The following MYO1D variants were observed in gnomAD, a reference collection of about 807,000 sequenced individuals.
The protein encoded by MYO1D is myosin ID.
A neutral mutation model predicts 122.0 loss-of-function variants in MYO1D; 83 were observed. That is an observed-to-expected ratio of 0.68 (90% confidence interval 0.57 to 0.82). The LOEUF is 0.82. MYO1D is among the 40% of genes least tolerant of loss of function. MYO1D has a pLI of 0.00. For missense variants in MYO1D, 1,157 were observed against 1,269.5 expected, an observed-to-expected ratio of 0.91 and a Z score of 1.35; for synonymous variants, 464 against 446.9, an observed-to-expected ratio of 1.04 and a Z score of -0.48.
At chr17:32,625,320 G>A (rs946995590) in intron 20 of MYO1D, among the ~76,000 whole-genome samples, 2 of 152,126 alleles carry the variant, frequency 1.3e-5, no homozygotes, top group Non-Finnish European at 2.9e-5. Context: ...AATTAAGTTA[G>A]GTAGAAAGAT....
At chr17:32,616,711 C>T (rs925900166) in intron 20 of MYO1D, among the ~76,000 whole-genome samples, 2 of 152,090 alleles carry the variant, frequency 1.3e-5, no homozygotes, top group African/African-American at 4.8e-5. Context: ...AAATTTTTGC[C>T]ACTCCTCCCA....
chr17:32,672,542 G>A (rs191782438), intron 16 of MYO1D, among the ~76,000 whole-genome samples: 1 of 152,140 alleles, frequency 6.6e-6, no homozygotes, highest in Admixed American at 6.5e-5. Context: ...CTAGAGTGCA[G>A]TGGTGTGATC....
chr17:32,679,822 T>C (rs1009845040), intron 16 of MYO1D, among the ~76,000 whole-genome samples: 2 of 151,092 alleles, frequency 1.3e-5, no homozygotes, highest in African/African-American at 4.9e-5. Flanking sequence ...TTGATGGGGA[T>C]GGCATTGAAT....
chr17:32,672,591 T>C (rs1453326455), intron 16 of MYO1D, among the ~76,000 whole-genome samples: 1 of 152,156 alleles, frequency 6.6e-6, no homozygotes, highest in Non-Finnish European at 1.5e-5. Context: ...GTTCAAGCGA[T>C]TCTCCTGCCT....
At chr17:32,810,591 C>T (rs1275604183) in intron 1 of MYO1D, among the ~76,000 whole-genome samples, 1 of 152,036 alleles carries the variant, frequency 6.6e-6, no homozygotes, top group African/African-American at 2.4e-5. Context: ...ATTCTCCAGC[C>T]TCAGCCTCCC....
intron 21 of MYO1D, among the ~76,000 whole-genome samples, chr17:32,544,775 T>C (rs1482524150): frequency 1.3e-5 from 2 of 152,136 alleles, no homozygotes; most frequent in Non-Finnish European, 2.9e-5. Flanking sequence ...AAAGAGAAAA[T>C]GATCAACACT....
chr17:32,826,647 C>T (rs2090725553), intron 1 of MYO1D, among the ~76,000 whole-genome samples: 1 of 152,094 alleles, frequency 6.6e-6, no homozygotes, highest in African/African-American at 2.4e-5. Context: ...TATAGAAGAC[C>T]GTGGACACTG....
rs1003212435 is a variant in MYO1D at position 32,745,199 on chromosome 17, T to C, written c.1613+12A>G. 6.5e-6 allele frequency: 9 copies of C among 1,394,010 alleles called. No individual in the cohort carries two copies. The African/African-American group carries it at 1.2e-4, about 18-fold the overall frequency. 86.4% of individuals were successfully genotyped at this position (1,394,010 alleles called of 1,614,324 possible). A position where few individuals can be genotyped will look rare whatever the true frequency, so the allele number is the denominator to read the frequency against. The stretch of plus-strand genomic sequence containing the variant: ...CTTAATCTAGAGTTAATTAATAAAA[T>C]TTCAATCTTACCTGTTATACATAAG... On this transcript the variant is annotated intron_variant, in intron 13 of 21. Coordinates refer to ENST00000318217, the MANE Select transcript of MYO1D (RefSeq NM_015194.3).
At chr17:32,769,885 ATACT>A (rs1312753442) in intron 6 of MYO1D, among the ~76,000 whole-genome samples, 2 of 152,148 alleles carry the variant, frequency 1.3e-5, no homozygotes, top group Non-Finnish European at 2.9e-5. Context: ...TATTAATTTA[ATACT>A]TGCTTTCTGT....
intron 20 of MYO1D, among the ~76,000 whole-genome samples, chr17:32,624,677 C>A (rs1398215581): frequency 1.3e-5 from 2 of 152,050 alleles, no homozygotes; most frequent in African/African-American, 4.8e-5. Flanking sequence ...TTGAGAGAAA[C>A]AAACTGTACA....
At chr17:32,572,691 T>C (rs2087242885) in intron 21 of MYO1D, among the ~76,000 whole-genome samples, 1 of 152,080 alleles carries the variant, frequency 6.6e-6, no homozygotes, top group Non-Finnish European at 1.5e-5. Context: ...CTAACTTCCA[T>C]CTCCTATACT....
At chr17:32,778,626 G>T in intron 2 of MYO1D, 53 bp from the exon 3 acceptor site, 3 of 1,440,694 alleles carry the variant, frequency 2.1e-6, no homozygotes, top group Non-Finnish European at 2.9e-6. Flanking sequence ...CCAAGAGTAA[G>T]CTAATTTTTA....
chr17:32,767,430 G>C (rs765710550), intron 7 of MYO1D, among the ~76,000 whole-genome samples: 1 of 152,180 alleles, frequency 6.6e-6, no homozygotes, highest in Non-Finnish European at 1.5e-5. Context: ...AACTGAAGTA[G>C]TAGTCTCCAA....
chr17:32,650,744 A>G (rs919374767), intron 19 of MYO1D, among the ~76,000 whole-genome samples: 2 of 152,144 alleles, frequency 1.3e-5, no homozygotes, highest in African/African-American at 2.4e-5. Flanking sequence ...CATGCAGGTC[A>G]TTAAAAAAAT....
chr17:32,704,829 G>A (rs1350562888), intron 16 of MYO1D, among the ~76,000 whole-genome samples: 1 of 152,134 alleles, frequency 6.6e-6, no homozygotes, highest in Non-Finnish European at 1.5e-5. Context: ...TGCAATAAAT[G>A]TGTAGAGAGT....
chr17:32,528,058 C>T (rs1479466676), intron 21 of MYO1D, among the ~76,000 whole-genome samples: 3 of 152,146 alleles, frequency 2.0e-5, no homozygotes, highest in African/African-American at 4.8e-5. Flanking sequence ...AGGCTGGTCT[C>T]GAACTCCTGA....
At chr17:32,771,348 A>C (rs1162404329) in intron 5 of MYO1D, 128 bp from the exon 6 acceptor site, 14 of 610,984 alleles carry the variant, frequency 2.3e-5, no homozygotes, top group Non-Finnish European at 3.5e-5. Context: ...TCTAGCTTTG[A>C]AGTTTTGCTT....
intron 16 of MYO1D, among the ~76,000 whole-genome samples, chr17:32,690,136 T>C (rs898905260): frequency 8.5e-5 from 13 of 152,080 alleles, no homozygotes; most frequent in Non-Finnish European, 2.9e-5. Context: ...ATAGAATGTA[T>C]AAAGATCAAG....
intron 10 of MYO1D, among the ~76,000 whole-genome samples, chr17:32,758,185 C>A (rs1243399584): frequency 6.6e-6 from 1 of 152,026 alleles, no homozygotes; most frequent in Admixed American, 6.6e-5. Context: ...TTAGCAAAAT[C>A]CAGACTGTGG....
Sources: gnomAD v4.1 joint callset for allele counts (sites outside exome capture counted in the v4.1 genomes callset) on GRCh38, gnomAD v4.1.1 for gene constraint, MANE v1.5 for transcripts, NCBI Gene and HGNC (gene_info 2026-07-23, HGNC 2026-07-21) for gene names.